POU2F1: variants seen among roughly 807,000 people sequenced by gnomAD.
POU2F1 encodes POU class 2 homeobox 1, also known as POU domain, class 2, transcription factor 1.
A neutral mutation model predicts 84.9 loss-of-function variants in POU2F1; 16 were observed. The observed-to-expected ratio is 0.19, with a 90% CI of 0.13 to 0.29. The LOEUF is 0.29. Ranked by LOEUF, POU2F1 falls within the 10% of genes least tolerant of loss-of-function variation. The pLI, the probability that POU2F1 is intolerant of heterozygous loss-of-function variation, is 1.00. For missense variants in POU2F1, 738 were observed against 942.6 expected, an observed-to-expected ratio of 0.78 and a Z score of 2.84; for synonymous variants, 368 against 368.3, an observed-to-expected ratio of 1.00 and a Z score of 0.01.
intron 1 of POU2F1, among the ~76,000 whole-genome samples, chr1:167,266,344 A>T (rs1651950704): frequency 6.6e-6 from 1 of 152,136 alleles, no homozygotes. Context: ...GGGTGTAATC[A>T]GGTTGGGTAG....
chr1:167,394,550 T>A (rs780810712), intron 9 of POU2F1, among the ~76,000 whole-genome samples: 12 of 152,212 alleles, frequency 7.9e-5, no homozygotes, highest in Non-Finnish European at 1.8e-4. Context: ...GGGTGTTCTG[T>A]ACATTGGACA....
intron 1 of POU2F1, among the ~76,000 whole-genome samples, chr1:167,221,825 C>CT (rs1465359655): frequency 6.6e-6 from 1 of 151,900 alleles, no homozygotes; most frequent in Non-Finnish European, 1.5e-5. Flanking sequence ...CGTGCCCCCC[C>CT]TGGGGGGTGG....
chr1:167,326,241 C>G (rs1192105491), intron 1 of POU2F1, among the ~76,000 whole-genome samples: 1 of 152,178 alleles, frequency 6.6e-6, no homozygotes, highest in Non-Finnish European at 1.5e-5. Context: ...TTAATTCATG[C>G]TCAAGTGTGA....
intron 1 of POU2F1, among the ~76,000 whole-genome samples, chr1:167,239,889 A>C (rs992445308): frequency 6.6e-6 from 1 of 152,204 alleles, no homozygotes; most frequent in African/African-American, 2.4e-5. Flanking sequence ...AGAAAAACTC[A>C]GAAAAATACT....
At chr1:167,268,608 A>T (rs972790902) in intron 1 of POU2F1, among the ~76,000 whole-genome samples, 1 of 152,236 alleles carries the variant, frequency 6.6e-6, no homozygotes, top group Non-Finnish European at 1.5e-5. Flanking sequence ...TAAATACAGC[A>T]GATCCTCATT....
At chr1:167,245,583 T>C (rs541692670) in intron 1 of POU2F1, among the ~76,000 whole-genome samples, 1 of 152,196 alleles carries the variant, frequency 6.6e-6, no homozygotes, top group African/African-American at 2.4e-5. Flanking sequence ...CCAGCTAGTT[T>C]TGTGTTTTTA....
At chr1:167,404,118 T>A (rs1046315940) in intron 13 of POU2F1, among the ~76,000 whole-genome samples, 2 of 151,624 alleles carry the variant, frequency 1.3e-5, no homozygotes, top group African/African-American at 4.9e-5. Context: ...CTTGCCCTCA[T>A]TGGCCTTCAG....
intron 1 of POU2F1, among the ~76,000 whole-genome samples, chr1:167,245,602 G>A (rs368650303): frequency 3.3e-5 from 5 of 151,904 alleles, no homozygotes; most frequent in African/African-American, 4.8e-5. Context: ...TAGTAGAGAC[G>A]GGGTTTCTCC....
In POU2F1 at chr1:167,374,237, G is replaced by T; in HGVS notation, c.532G>T (p.Ala178Ser). 1 of 1,613,816 alleles carries T rather than the reference G, an allele frequency of 6.2e-7. No individual in the cohort carries two copies. Among genetic ancestry groups the T allele is most frequent in the Middle Eastern group, 1.7e-4 (1 of 5,930 alleles). The change falls in exon 6 of 16, where the codon GCC (alanine) becomes TCC (serine). Residue 178 changes from alanine (A) to serine (S), a missense_variant. By Grantham distance (99) the Ala-to-Ser change is moderately conservative. Around this residue, in one of 4 missense-constraint regions of POU2F1, gnomAD observed 163 missense variants for 214.4 expected, o/e 0.76. Transcript: ENST00000367866. ...CAGTGCTGCTGGAGCCACCATCTCC[G>T]CCTCTGCTGCCACGCCCATGACGCA... The part of the protein sequence containing the change: ...QHSAAGATIS[A>S]SAATPMTQIP...
intron 2 of POU2F1, among the ~76,000 whole-genome samples, chr1:167,352,684 T>G (rs946787559): frequency 5.3e-5 from 8 of 152,238 alleles, no homozygotes; most frequent in African/African-American, 1.9e-4. Context: ...AATGTCCCTT[T>G]CAGCTTTACC....
At chr1:167,238,235 T>G (rs1267876590) in intron 1 of POU2F1, among the ~76,000 whole-genome samples, 1 of 152,060 alleles carries the variant, frequency 6.6e-6, no homozygotes, top group East Asian at 1.9e-4. Context: ...TTTATAGAGA[T>G]TTATCAACTG....
intron 1 of POU2F1, among the ~76,000 whole-genome samples, chr1:167,299,695 G>GTTTTTTTTTTTT (rs571000920): frequency 0.026 from 3,568 of 138,154 alleles, 189 homozygotes; most frequent in African/African-American, 0.095. Context: ...GGAGACCAGA[G>GTTTTTTTTTTTT]TTTTTTTTTT....
At chr1:167,376,553 G>C (rs1282674221) in intron 7 of POU2F1, 2 of 154,882 alleles carry the variant, frequency 1.3e-5, no homozygotes, top group African/African-American at 4.8e-5. Flanking sequence ...TTAATTTAAG[G>C]AGGGAAGACT....
chr1:167,401,742 C>G (rs1321562779), intron 13 of POU2F1, among the ~76,000 whole-genome samples, 186 bp downstream of exon 13: 1 of 152,204 alleles, frequency 6.6e-6, no homozygotes, highest in Non-Finnish European at 1.5e-5. Flanking sequence ...TTTTTGCATT[C>G]AGAAAAACCT....
At chr1:167,278,223 A>G (rs1652874383) in intron 1 of POU2F1, among the ~76,000 whole-genome samples, 1 of 152,126 alleles carries the variant, frequency 6.6e-6, no homozygotes, top group African/African-American at 2.4e-5. Context: ...GTCAATTTCC[A>G]TTTCATTCTT....
chr1:167,410,363 T>C (rs1557967809), intron 13 of POU2F1, among the ~76,000 whole-genome samples: 1 of 151,918 alleles, frequency 6.6e-6, no homozygotes, highest in Non-Finnish European at 1.5e-5. Context: ...GAAGTGAGAG[T>C]TCAATTCTAG....
At chr1:167,273,798 T>A (rs1010601183) in intron 1 of POU2F1, among the ~76,000 whole-genome samples, 2 of 152,232 alleles carry the variant, frequency 1.3e-5, no homozygotes, top group Non-Finnish European at 2.9e-5. Flanking sequence ...GAACTTGTGG[T>A]CTTTCCCCTC....
intron 1 of POU2F1, among the ~76,000 whole-genome samples, chr1:167,225,660 T>C (rs1648578118): frequency 6.6e-6 from 1 of 152,236 alleles, no homozygotes; most frequent in East Asian, 1.9e-4. Flanking sequence ...TTAAGTATTT[T>C]CTATTAAAAA....
intron 2 of POU2F1, among the ~76,000 whole-genome samples, chr1:167,345,674 T>C (rs545431834): frequency 6.6e-6 from 1 of 152,294 alleles, no homozygotes; most frequent in South Asian, 2.1e-4. Flanking sequence ...AGAACAGAGA[T>C]GGAGCAAGGT....
Sources: gnomAD v4.1 joint callset for allele counts (sites outside exome capture counted in the v4.1 genomes callset) on GRCh38, gnomAD v4.1.1 for gene constraint, gnomAD v4.1.1 regional missense constraint, MANE v1.5 for transcripts, NCBI Gene and HGNC (gene_info 2026-07-23, HGNC 2026-07-21) for gene names.